Variants in NRG3 observed in about 807,000 individuals in gnomAD.
NRG3 encodes the protein neuregulin 3, also known as pro-neuregulin-3, membrane-bound isoform.
In NRG3, 31 loss-of-function variants were observed where a neutral mutation model predicts 66.9. The observed-to-expected ratio is 0.46, with a 90% CI of 0.35 to 0.63. NRG3 has a LOEUF of 0.63. Ranked by LOEUF, NRG3 falls within the 20% of genes least tolerant of loss-of-function variation. The pLI, the probability that NRG3 is intolerant of heterozygous loss-of-function variation, is 0.00. For missense variants in NRG3, 910 were observed against 878.9 expected (o/e 1.04, Z -0.45); for synonymous variants, 393 against 359.4 (o/e 1.09, Z -1.06).
At chr10:82,744,401 G>A (rs1206171497) in intron 3 of NRG3, among the ~76,000 whole-genome samples, 4 of 152,100 alleles carry the variant, frequency 2.6e-5, no homozygotes, top group Admixed American at 2.6e-4. Context: ...CTGATAGAGG[G>A]TGCATTCTCT....
Position 82,565,092 on chromosome 10 carries a change from G to A in NRG3, c.954-173485G>A, listed in dbSNP as rs73311979. Among the ~76,000 whole-genome samples, 593 of 152,240 alleles carry A rather than the reference G, an allele frequency of 3.9e-3. 5 individuals are homozygous for A. Among genetic ancestry groups the A allele is most frequent in the African/African-American group, 0.014 (575 of 41,556 alleles). The stretch of plus-strand genomic sequence containing the variant: ...CGAAGTGGAAGGGCATTCCCCGCCA[G>A]AGAAAGCAGCAGCAGGAGGAGCAGA... On this transcript the variant is annotated intron_variant, in intron 2 of 8. Coordinates refer to ENST00000372141, the MANE Select transcript of NRG3 (RefSeq NM_001010848.4).
intron 1 of NRG3, among the ~76,000 whole-genome samples, chr10:82,351,231 G>C (rs2083421689): frequency 6.6e-6 from 1 of 152,196 alleles, no homozygotes; most frequent in African/African-American, 2.4e-5. Context: ...GCCAGTGTGA[G>C]GTACAGGGAG....
intron 2 of NRG3, among the ~76,000 whole-genome samples, chr10:82,693,645 G>A (rs1438522640): frequency 1.3e-5 from 2 of 152,300 alleles, no homozygotes. Context: ...CTTCTGGTGG[G>A]TTCTTGGTCT....
intron 2 of NRG3, among the ~76,000 whole-genome samples, chr10:82,569,513 T>G (rs1406459413): frequency 6.6e-6 from 1 of 151,812 alleles, no homozygotes; most frequent in African/African-American, 2.4e-5. Context: ...CTCATTCTGA[T>G]GTACCAAAGC....
intron 2 of NRG3, among the ~76,000 whole-genome samples, chr10:82,555,150 A>T (rs2044569210): frequency 6.6e-6 from 1 of 152,230 alleles, no homozygotes; most frequent in Non-Finnish European, 1.5e-5. Flanking sequence ...ATTACTCATG[A>T]GAACAAAGAT....
chr10:82,077,538 C>A (rs191457154), intron 1 of NRG3, among the ~76,000 whole-genome samples: 1 of 152,266 alleles, frequency 6.6e-6, no homozygotes, highest in African/African-American at 2.4e-5. Flanking sequence ...ACTATAACTT[C>A]TGTTAGAGCT....
At chr10:82,044,144 G>A (rs77188575) in intron 1 of NRG3, among the ~76,000 whole-genome samples, 7,130 of 94,956 alleles carry the variant, frequency 0.075, 582 homozygotes, top group African/African-American at 0.21. Flanking sequence ...TGAGCTAACC[G>A]AGAGCTTCTG....
chr10:82,410,996 G>T (rs759679324), intron 2 of NRG3, among the ~76,000 whole-genome samples: 9 of 152,096 alleles, frequency 5.9e-5, no homozygotes, highest in Non-Finnish European at 1.3e-4. Flanking sequence ...GTATTTCAAA[G>T]AATTTACACT....
chr10:82,458,244 A>G (rs2091359343), intron 2 of NRG3, among the ~76,000 whole-genome samples: 1 of 152,230 alleles, frequency 6.6e-6, no homozygotes, highest in South Asian at 2.1e-4. Context: ...AAAATGGGTG[A>G]ACCAGGGTAT....
At chr10:82,050,729 C>A (rs1465078295) in intron 1 of NRG3, among the ~76,000 whole-genome samples, 1 of 151,912 alleles carries the variant, frequency 6.6e-6, no homozygotes, top group African/African-American at 2.4e-5. Context: ...CCACTTTAAC[C>A]ACCAAGACTC....
At chr10:82,444,324 A>T (rs1477008078) in intron 2 of NRG3, among the ~76,000 whole-genome samples, 2 of 152,082 alleles carry the variant, frequency 1.3e-5, no homozygotes, top group Non-Finnish European at 2.9e-5. Flanking sequence ...GCTGGTCTTG[A>T]ACTCCTGACC....
intron 2 of NRG3, among the ~76,000 whole-genome samples, chr10:82,585,041 A>G (rs983344461): frequency 6.6e-6 from 1 of 151,670 alleles, no homozygotes; most frequent in Non-Finnish European, 1.5e-5. Context: ...TTTTGGCTGT[A>G]TGGGTGAGTA....
chr10:81,912,307 A>T (rs1200434670), intron 1 of NRG3, among the ~76,000 whole-genome samples: 2 of 152,122 alleles, frequency 1.3e-5, no homozygotes, highest in Admixed American at 1.3e-4. Flanking sequence ...CCGTAGCCTG[A>T]AACTGCTGGG....
chr10:82,221,971 C>T (rs796918919), intron 1 of NRG3, among the ~76,000 whole-genome samples: 13 of 151,986 alleles, frequency 8.6e-5, no homozygotes, highest in African/African-American at 2.9e-4. Flanking sequence ...AGGTGGCCTA[C>T]TACACCCTGC....
chr10:82,647,948 G>A (rs913505226), intron 2 of NRG3, among the ~76,000 whole-genome samples: 2 of 146,982 alleles, frequency 1.4e-5, no homozygotes, highest in African/African-American at 5.0e-5. Context: ...CTCCCATTTT[G>A]TAGGTTGCCT....
intron 3 of NRG3, among the ~76,000 whole-genome samples, chr10:82,795,993 A>T (rs143553616): frequency 0.016 from 2,469 of 152,142 alleles, 24 homozygotes; most frequent in Non-Finnish European, 0.026. Flanking sequence ...CTGTGGTTTC[A>T]TCCCTCTCCT....
At position 82,461,217 on chromosome 10, in the gene NRG3, C is replaced by A. The variant is rs569906593; in HGVS notation, c.953+102349C>A. ...ACAATCACCACCATTAACACCATTACCACCATCAACACCACCACCACCACC... is the reference window on the plus strand; with the variant it reads ...ACAATCACCACCATTAACACCATTAACACCATCAACACCACCACCACCACC... On this transcript the variant is annotated intron_variant, in intron 2 of 8. Transcript: ENST00000372141. Among the ~76,000 whole-genome samples, 37 of 151,554 alleles carry A rather than the reference C, an allele frequency of 2.4e-4. No homozygotes were observed. In the South Asian group the frequency reaches 7.5e-3, roughly 31 times the overall value.
At chr10:81,902,733 G>A (rs990941744) in intron 1 of NRG3, among the ~76,000 whole-genome samples, 3 of 152,176 alleles carry the variant, frequency 2.0e-5, no homozygotes, top group African/African-American at 4.8e-5. Context: ...GGTAGGATAC[G>A]TGGTTTACAC....
intron 1 of NRG3, among the ~76,000 whole-genome samples, chr10:81,914,478 A>G (rs1845473799): frequency 6.6e-6 from 1 of 152,048 alleles, no homozygotes; most frequent in South Asian, 2.1e-4. Context: ...CACACCTATA[A>G]TCCCAGTACT....
Sources: allele counts gnomAD v4.1 joint callset (sites outside exome capture counted in the v4.1 genomes callset), GRCh38; gene constraint gnomAD v4.1.1; transcripts MANE v1.5; gene names NCBI Gene and HGNC (gene_info 2026-07-23, HGNC 2026-07-21).